Variants in NCKAP5 observed in about 807,000 individuals in gnomAD.
NCKAP5 encodes the protein NCK associated protein 5.
A neutral mutation model predicts 167.0 loss-of-function variants in NCKAP5; 92 were observed. The ratio of observed to expected loss-of-function variants is 0.55; its 90% CI spans 0.47 to 0.66. The LOEUF (loss-of-function observed/expected upper bound fraction) is 0.66, where lower values mean the gene tolerates loss of function less well. Ranked by LOEUF, NCKAP5 falls within the 30% of genes least tolerant of loss-of-function variation. The probability of loss-of-function intolerance (pLI) is 0.00; values close to 1 mark genes in which losing one functional copy is unlikely to be tolerated. For missense variants in NCKAP5, 2,378 were observed against 2,315.0 expected (o/e 1.03, Z -0.56); for synonymous variants, 891 against 877.4 (o/e 1.02, Z -0.27).
At chr2:133,656,264 C>G in the NCKAP5 span, among the ~76,000 whole-genome samples, 13,541 of 132,858 alleles carry the variant, frequency 0.1, 694 homozygotes, top group African/African-American at 0.15. Context: ...GAAAAACAAA[C>G]AAACAAACAA....
chr2:133,023,520 T>C (rs2078598782), intron 6 of NCKAP5, among the ~76,000 whole-genome samples: 1 of 152,206 alleles, frequency 6.6e-6, no homozygotes, highest in Non-Finnish European at 1.5e-5. Context: ...TGCATAAAGC[T>C]GAGATTTGGG....
chr2:133,266,770 C>A (rs1179114617), intron 4 of NCKAP5, among the ~76,000 whole-genome samples: 3 of 152,200 alleles, frequency 2.0e-5, no homozygotes, highest in African/African-American at 4.8e-5. Context: ...GTCCCCGAGC[C>A]CTCTCCTGCC....
chr2:133,163,598 G>GT (rs1248966897), intron 5 of NCKAP5, among the ~76,000 whole-genome samples: 1 of 152,160 alleles, frequency 6.6e-6, no homozygotes, highest in Non-Finnish European at 1.5e-5. Context: ...TCAAAAATGC[G>GT]TAACTTCTGC....
intron 3 of NCKAP5, among the ~76,000 whole-genome samples, chr2:133,320,911 G>T (rs1042394972): frequency 1.3e-5 from 2 of 152,140 alleles, no homozygotes; most frequent in African/African-American, 4.8e-5. Context: ...GTTTCCCCAT[G>T]ACTCCCAGGC....
chr2:133,412,123 C>A (rs1428533216), intron 3 of NCKAP5, among the ~76,000 whole-genome samples: 1 of 152,144 alleles, frequency 6.6e-6, no homozygotes, highest in Non-Finnish European at 1.5e-5. Context: ...TTCTAGCCCC[C>A]ATGGTGATGT....
intron 11 of NCKAP5, among the ~76,000 whole-genome samples, chr2:132,850,712 C>T (rs535770320): frequency 6.6e-6 from 1 of 152,222 alleles, no homozygotes; most frequent in South Asian, 2.1e-4. Flanking sequence ...GCTAGAACTG[C>T]AGGGACTACT....
intron 4 of NCKAP5, among the ~76,000 whole-genome samples, chr2:133,302,800 A>AAAT (rs1680484908): frequency 2.6e-5 from 4 of 151,184 alleles, no homozygotes; most frequent in South Asian, 2.1e-4. Context: ...AAAAATAAAA[A>AAAT]AAATAAATAA....
intron 5 of NCKAP5, among the ~76,000 whole-genome samples, chr2:133,181,814 G>A (rs558682816): frequency 9.2e-5 from 14 of 151,834 alleles, no homozygotes; most frequent in Non-Finnish European, 1.5e-4. Context: ...AGACAGATTT[G>A]TACTTGTACA....
intron 3 of NCKAP5, among the ~76,000 whole-genome samples, chr2:133,511,640 T>C (rs1683503441): frequency 6.6e-6 from 1 of 152,228 alleles, no homozygotes; most frequent in Non-Finnish European, 1.5e-5. Flanking sequence ...CTTCACTAGA[T>C]CCTCAGATGT....
rs138518132 is a variant in NCKAP5 at position 133,404,433 on chromosome 2, A to G, written c.70-101323T>C. Among the ~76,000 whole-genome samples the G allele has an allele frequency of 2.0e-3, 308 of 152,366 alleles. 2 individuals carry two copies. Among genetic ancestry groups the G allele is most frequent in the African/African-American group, 7.1e-3 (297 of 41,586 alleles). On this transcript the variant is annotated intron_variant, in intron 3 of 19. Transcript: ENST00000409261. Reference sequence around the variant, plus strand: ...TTTTCCTATACATAGATACATATATAGCTATGATAAAGCTTAATTTATGAA... The same window carrying G: ...TTTTCCTATACATAGATACATATATGGCTATGATAAAGCTTAATTTATGAA...
At chr2:132,714,162 A>G (rs544435915) in intron 19 of NCKAP5, among the ~76,000 whole-genome samples, 4 of 152,308 alleles carry the variant, frequency 2.6e-5, no homozygotes, top group African/African-American at 9.6e-5. Flanking sequence ...CTTAGACTGA[A>G]TTTTAACCAC....
At chr2:133,021,448 T>C (rs564099852) in intron 6 of NCKAP5, among the ~76,000 whole-genome samples, 2 of 152,348 alleles carry the variant, frequency 1.3e-5, no homozygotes, top group Non-Finnish European at 2.9e-5. Flanking sequence ...AATGCTTATA[T>C]CTAAAGCCTT....
At chr2:132,767,644 G>C (rs1200873628) in intron 16 of NCKAP5, among the ~76,000 whole-genome samples, 1 of 152,252 alleles carries the variant, frequency 6.6e-6, no homozygotes, top group African/African-American at 2.4e-5. Flanking sequence ...CTACACAGAT[G>C]TGAGTTGGTT....
the NCKAP5 span, among the ~76,000 whole-genome samples, chr2:133,626,297 T>G: frequency 1.1e-4 from 16 of 152,168 alleles, no homozygotes; most frequent in African/African-American, 3.9e-4. Flanking sequence ...GTCCCAAAAT[T>G]GAATCTGAGT....
rs547850153 is a variant in NCKAP5, at chr2:132,898,132, T to C, written c.580-19216A>G. Among the ~76,000 whole-genome samples the C allele has an allele frequency of 1.2e-3, 181 of 152,364 alleles. 1 individual carries two copies. The highest frequency in any genetic ancestry group is 4.3e-3 in the African/African-American group (177 of 41,584). On this transcript the variant is annotated intron_variant, in intron 8 of 19. Transcript: ENST00000409261. ...GCCAATGCTTTATCAACTAAGTTTA[T>C]GTAATATGCTGAAATCTTCGTTGTC...
intron 8 of NCKAP5, among the ~76,000 whole-genome samples, chr2:132,906,359 T>C (rs1193348079): frequency 6.6e-6 from 1 of 152,104 alleles, no homozygotes; most frequent in Non-Finnish European, 1.5e-5. Context: ...GCCAACAAAA[T>C]TACAGAAGCA....
intron 5 of NCKAP5, among the ~76,000 whole-genome samples, chr2:133,206,984 C>T (rs752274632): frequency 1.3e-5 from 2 of 152,126 alleles, no homozygotes; most frequent in African/African-American, 2.4e-5. Context: ...TCTCTGCTCT[C>T]GAACCCTGTT....
intron 11 of NCKAP5, among the ~76,000 whole-genome samples, chr2:132,813,055 C>T (rs528592027): frequency 4.6e-5 from 7 of 152,290 alleles, no homozygotes; most frequent in Middle Eastern, 3.4e-3. Context: ...GACAAACATT[C>T]AGGCCAAAGC....
chr2:132,765,601 T>C (rs1422226555), intron 16 of NCKAP5, among the ~76,000 whole-genome samples: 8 of 142,460 alleles, frequency 5.6e-5, no homozygotes, highest in Non-Finnish European at 1.2e-4. Context: ...GCCTTTCCTA[T>C]GCATTTCTTA....
Sources: allele counts gnomAD v4.1 joint callset (sites outside exome capture counted in the v4.1 genomes callset), GRCh38; gene constraint gnomAD v4.1.1; transcripts MANE v1.5; gene names NCBI Gene and HGNC (gene_info 2026-07-23, HGNC 2026-07-21).